C14orf39: variants seen among roughly 807,000 people sequenced by gnomAD.
C14orf39 encodes the protein chromosome 14 open reading frame 39.
In C14orf39, 66 loss-of-function variants were observed where a neutral mutation model predicts 85.6. The ratio of observed to expected loss-of-function variants is 0.77; its 90% CI spans 0.63 to 0.95. The LOEUF is 0.95. Among genes scored for constraint, C14orf39 ranks in the 40% least tolerant of loss-of-function variants. The pLI is 0.00. For missense variants in C14orf39, 735 were observed against 663.9 expected (o/e 1.11, Z -1.18); for synonymous variants, 242 against 214.0 (o/e 1.13, Z -1.14).
chr14:60,497,977 C>T (rs2140179759), intron 2 of C14orf39, among the ~76,000 whole-genome samples: 1 of 152,242 alleles, frequency 6.6e-6, no homozygotes, highest in East Asian at 1.9e-4. Context: ...TTTCTATTGC[C>T]TGCAGCTACA....
chr14:60,479,942 A>G (rs1445364633), intron 4 of C14orf39, among the ~76,000 whole-genome samples: 1 of 152,200 alleles, frequency 6.6e-6, no homozygotes, highest in Non-Finnish European at 1.5e-5. Flanking sequence ...AACTCAACTT[A>G]ATAGAAAAAA....
intron 13 of C14orf39, 126 bp from the exon 14 acceptor site, chr14:60,458,865 G>C: frequency 1.6e-6 from 1 of 644,152 alleles, no homozygotes; most frequent in Non-Finnish European, 2.7e-6. Context: ...ACTTCATATG[G>C]TTCAACATAA....
chr14:60,509,679 C>T, intron 1 of C14orf39: 2 of 1,613,998 alleles, frequency 1.2e-6, no homozygotes, highest in Non-Finnish European at 1.7e-6. Context: ...TGGCTTGAAG[C>T]ACACTACCAG....
At chr14:60,439,512 G>A (rs576902641) in intron 17 of C14orf39, among the ~76,000 whole-genome samples, 3 of 152,264 alleles carry the variant, frequency 2.0e-5, no homozygotes, top group Non-Finnish European at 4.4e-5. Flanking sequence ...GTCACAGAGA[G>A]AAGTTAAAAT....
intron 17 of C14orf39, among the ~76,000 whole-genome samples, chr14:60,439,642 G>C (rs1180420616): frequency 6.6e-6 from 1 of 152,124 alleles, no homozygotes; most frequent in Non-Finnish European, 1.5e-5. Flanking sequence ...TGTCTAAAGA[G>C]ATTTAAACTG....
At chr14:60,471,366 A>G (rs1004894895) in intron 7 of C14orf39, 51 bp downstream of exon 7, 3 of 1,330,016 alleles carry the variant, frequency 2.3e-6, no homozygotes, top group Non-Finnish European at 3.1e-6. Context: ...TTAAAATACA[A>G]AATAATGCTT....
Position 60,466,028 on chromosome 14 carries a change from T to G in C14orf39, c.923A>C (p.Gln308Pro). 1 of 1,558,088 alleles carries G rather than the reference T, an allele frequency of 6.4e-7. No homozygotes were observed. Among genetic ancestry groups the G allele is most frequent in the East Asian group, 2.4e-5 (1 of 42,306 alleles). Residue 308 changes from glutamine to proline, a missense_variant, in exon 11 of 18, where the codon CAG (glutamine) becomes CCG (proline). Physicochemically the swap from Gln to Pro is moderately conservative, Grantham distance 76 (BLOSUM62 -1). Transcript: ENST00000321731. The stretch of plus-strand genomic sequence containing the variant: ...AAAGTCAATATTGGCAAGCTTTGAC[T>G]GCTTCGCAGAACTTTCTTCTTTTAT... ...ADIKEESSAK[Q>P]SKLANIDFRQ... is the part of the protein sequence containing the mutation.
Position 60,436,411 on chromosome 14 carries a change from C to T in C14orf39, c.*434G>A, listed in dbSNP as rs547297963. 8.7e-4 allele frequency: 135 copies of T among 154,938 alleles called. No homozygotes were observed. Among genetic ancestry groups the T allele is most frequent in the Non-Finnish European group, 1.5e-3 (103 of 70,316 alleles). The allele number at this position is 154,938 out of a possible 1,614,324, so 9.6% of individuals were successfully genotyped here. On this transcript the variant is annotated 3_prime_UTR_variant, in exon 18 of 18. Transcript: ENST00000321731. ...ACTACATAGTGAAGCAGAAGTGAAA[C>T]CCAATAATTTTAATAGAAATTTTTA...
intron 16 of C14orf39, among the ~76,000 whole-genome samples, chr14:60,454,347 A>C (rs1891169303): frequency 6.6e-6 from 1 of 151,936 alleles, no homozygotes; most frequent in African/African-American, 2.4e-5. Context: ...TTATGTGTAT[A>C]AACTCTAATA....
rs866812799 is a variant in C14orf39 at position 60,459,458 on chromosome 14, C to T, written c.1118-719G>A. ...TCATTTTACTAGATGCCAAATTTTT[C>T]CCAACGGTTGTACCAATTTTTCGTG... On this transcript the variant is annotated intron_variant, in intron 13 of 17. Coordinates refer to ENST00000321731, the MANE Select transcript of C14orf39 (RefSeq NM_174978.3). Among the ~76,000 whole-genome samples, 175 of 151,612 alleles carry T rather than the reference C, an allele frequency of 1.2e-3. 1 individual carries two copies. The highest frequency in any genetic ancestry group is 0.01 in the Middle Eastern group (3 of 294).
chr14:60,458,675 T>G lies in C14orf39; in HGVS notation c.1179+3A>C, dbSNP rs1724475729. 10 of 1,592,114 alleles carry G rather than the reference T, an allele frequency of 6.3e-6. No homozygotes were observed. The highest frequency in any genetic ancestry group is 8.6e-6 in the Non-Finnish European group (10 of 1,166,372). On this transcript the variant is annotated splice_donor_region_variant and intron_variant, in intron 14 of 17. Coordinates refer to ENST00000321731, the MANE Select transcript of C14orf39 (RefSeq NM_174978.3). Reference sequence around the variant, plus strand: ...GAAATTAGAGATCAAACATTTGACTTACTTGTGAAGTACATTTTGATTCTC... The same window carrying G: ...GAAATTAGAGATCAAACATTTGACTGACTTGTGAAGTACATTTTGATTCTC...
chr14:60,461,160 A>T (rs935304076), intron 13 of C14orf39, among the ~76,000 whole-genome samples, 194 bp downstream of exon 13: 1 of 151,992 alleles, frequency 6.6e-6, no homozygotes, highest in African/African-American at 2.4e-5. Context: ...TGTTTTCTTT[A>T]TATCTTTGTT....
chr14:60,485,308 G>A (rs754197409), intron 1 of C14orf39, among the ~76,000 whole-genome samples: 2 of 152,184 alleles, frequency 1.3e-5, no homozygotes, highest in African/African-American at 4.8e-5. Context: ...GTCGGGGCAC[G>A]ACTTGAAGTT....
Position 60,484,732 on chromosome 14 carries a change from G to T in C14orf39, c.106+149C>A. ...ACTATAGTTAAGTCACATCTATTTC[G>T]TCTAGGGTAAATAGTTTATTTGTCG... On this transcript the variant is annotated intron_variant, in intron 3 of 17. Coordinates refer to ENST00000321731, the MANE Select transcript of C14orf39 (RefSeq NM_174978.3). The surrounding 1 kb of genome is among the most constrained non-coding windows in gnomAD (Gnocchi z 4.2). 3.6e-6 allele frequency: 2 copies of T among 560,122 alleles called. No homozygotes were observed. Among genetic ancestry groups the T allele is most frequent in the Admixed American group, 3.7e-5 (1 of 26,850 alleles). The allele number at this position is 560,122 out of a possible 1,614,324, so 34.7% of individuals were successfully genotyped here.
At chr14:60,490,453 GAATAAATA>G (rs1208619134), upstream of C14orf39, among the ~76,000 whole-genome samples, 41 of 12,862 alleles carry the variant, frequency 3.2e-3, no homozygotes, top group African/African-American at 4.9e-3. Flanking sequence ...ATAAATAAAT[GAATAAATA>G]AATAAATAAA....
chr14:60,461,660 A>G, intron 11 of C14orf39, 67 bp from the exon 12 acceptor site: 1 of 862,008 alleles, frequency 1.2e-6, no homozygotes, highest in Non-Finnish European at 1.8e-6. Context: ...GCTTGTCGTT[A>G]GCAACTCAGA....
In C14orf39 at chr14:60,465,851, AACACACACACACACAC is replaced by A. The variant is rs10529202; in HGVS notation, c.972+112_972+127del. ...CTAATGGCTGATTTAATAAATTTAT[AACACACACACACACAC>A]ACACACACACACACACACACACACA... On this transcript the variant is annotated intron_variant, in intron 11 of 17. Transcript: ENST00000321731. 1,264 of 414,944 alleles carry A rather than the reference AACACACACACACACAC, an allele frequency of 3.0e-3. 10 individuals are homozygous for A. Among genetic ancestry groups the A allele is most frequent in the African/African-American group, 0.021 (982 of 47,704 alleles). 25.7% of individuals were successfully genotyped at this position (414,944 alleles called of 1,614,324 possible). A position where few individuals can be genotyped will look rare whatever the true frequency, so the allele number is the denominator to read the frequency against.
rs761961318 is a variant in C14orf39, at chr14:60,465,966, G to GT, written c.972+12dup. On this transcript the variant is annotated intron_variant, in intron 11 of 17. Transcript: ENST00000321731. ...AGGTATTTAATTTATACTACTAAAA[G>GT]TGAGACACCTACCTGTGTATCATTT... 6.7e-7 allele frequency: 1 copy of GT among 1,482,078 alleles called. No individual in the cohort carries two copies. Among genetic ancestry groups the GT allele is most frequent in the Non-Finnish European group, 9.1e-7 (1 of 1,099,104 alleles). 91.8% of individuals were successfully genotyped at this position (1,482,078 alleles called of 1,614,324 possible).
intron 3 of C14orf39, 34 bp from the exon 4 acceptor site, chr14:60,483,851 G>A: frequency 7.3e-7 from 1 of 1,378,984 alleles, no homozygotes; most frequent in Non-Finnish European, 1.0e-6. Flanking sequence ...TCTTAATGTA[G>A]AAATAATAAG....
Sources: allele counts gnomAD v4.1 joint callset (sites outside exome capture counted in the v4.1 genomes callset), GRCh38; gene constraint gnomAD v4.1.1; non-coding constraint Gnocchi (gnomAD v3.1); transcripts MANE v1.5; gene names NCBI Gene and HGNC (gene_info 2026-07-23, HGNC 2026-07-21).